UGGT2: variants seen among roughly 807,000 people sequenced by gnomAD.
UGGT2 encodes the protein UDP-glucose:glycoprotein glucosyltransferase 2.
In UGGT2, 180 loss-of-function variants were observed where a neutral mutation model predicts 192.1. The observed-to-expected ratio is 0.94, with a 90% CI of 0.83 to 1.06. UGGT2 has a LOEUF of 1.06. Among genes scored for constraint, UGGT2 ranks in the 50% least tolerant of loss-of-function variants. The pLI, the probability that UGGT2 is intolerant of heterozygous loss-of-function variation, is 0.00. For missense variants in UGGT2, 1,849 were observed against 1,795.7 expected (o/e 1.03, Z -0.54); for synonymous variants, 580 against 591.0 (o/e 0.98, Z 0.27).
At chr13:95,819,606 C>A (rs369138353) in intron 38 of UGGT2, among the ~76,000 whole-genome samples, 1 of 151,994 alleles carries the variant, frequency 6.6e-6, no homozygotes, top group Non-Finnish European at 1.5e-5. Context: ...ATGAAACATT[C>A]ATAAAAACTG....
chr13:95,984,096 G>T (rs1320975862), intron 9 of UGGT2, among the ~76,000 whole-genome samples: 1 of 152,142 alleles, frequency 6.6e-6, no homozygotes, highest in Non-Finnish European at 1.5e-5. Flanking sequence ...ATGCAGTATG[G>T]ATTGTCATCA....
intron 22 of UGGT2, among the ~76,000 whole-genome samples, chr13:95,900,318 G>A (rs1196775409): frequency 6.6e-6 from 1 of 152,090 alleles, no homozygotes; most frequent in Non-Finnish European, 1.5e-5. Flanking sequence ...GAGAGTAAGA[G>A]ATTTTCTTCC....
intron 38 of UGGT2, among the ~76,000 whole-genome samples, chr13:95,816,801 G>A (rs1377504975): frequency 6.6e-6 from 1 of 152,152 alleles, no homozygotes; most frequent in Non-Finnish European, 1.5e-5. Flanking sequence ...TGATTGTGAT[G>A]GTGGTTACAT....
At chr13:96,019,135 G>T (rs920016396) in intron 4 of UGGT2, among the ~76,000 whole-genome samples, 4 of 114,488 alleles carry the variant, frequency 3.5e-5, no homozygotes, top group African/African-American at 1.4e-4. Context: ...GGGGGGGGGG[G>T]GGGAATGTTT....
intron 22 of UGGT2, among the ~76,000 whole-genome samples, chr13:95,900,122 T>C (rs900538225): frequency 6.6e-6 from 1 of 152,132 alleles, no homozygotes; most frequent in Non-Finnish European, 1.5e-5. Flanking sequence ...TCCACTTATT[T>C]TGTATGTGTC....
At chr13:96,007,725 A>G (rs1266854422) in intron 5 of UGGT2, among the ~76,000 whole-genome samples, 1 of 152,194 alleles carries the variant, frequency 6.6e-6, no homozygotes, top group Non-Finnish European at 1.5e-5. Flanking sequence ...TAATTTAACC[A>G]AAAAAGTGAA....
At chr13:95,866,834 T>C (rs1890705422) in intron 30 of UGGT2, among the ~76,000 whole-genome samples, 1 of 152,138 alleles carries the variant, frequency 6.6e-6, no homozygotes. Flanking sequence ...TTCCCTTTAA[T>C]TTTGGTTTTG....
intron 24 of UGGT2, among the ~76,000 whole-genome samples, chr13:95,892,914 A>G (rs2140243667): frequency 6.6e-6 from 1 of 152,266 alleles, no homozygotes; most frequent in Non-Finnish European, 1.5e-5. Context: ...AGTTTCTCAC[A>G]CAACTTACAT....
intron 33 of UGGT2, among the ~76,000 whole-genome samples, chr13:95,858,105 C>T (rs551039075): frequency 6.6e-6 from 1 of 151,028 alleles, no homozygotes; most frequent in South Asian, 2.1e-4. Flanking sequence ...GGTCTGAATG[C>T]CTGGGTTCAA....
At chr13:95,927,378 A>G in intron 17 of UGGT2, 42 bp from the exon 18 acceptor site, 2 of 1,517,004 alleles carry the variant, frequency 1.3e-6, no homozygotes, top group South Asian at 2.6e-5. Flanking sequence ...CAGGCAATTT[A>G]TATCCATGTT....
At chr13:95,871,150 T>A (rs1891184385) in intron 29 of UGGT2, among the ~76,000 whole-genome samples, 1 of 152,166 alleles carries the variant, frequency 6.6e-6, no homozygotes, top group Non-Finnish European at 1.5e-5. Flanking sequence ...AAATTTATAT[T>A]TAACTAATGG....
chr13:95,999,343 G>T, intron 5 of UGGT2, 36 bp from the exon 6 acceptor site: 1 of 1,582,504 alleles, frequency 6.3e-7, no homozygotes, highest in Non-Finnish European at 8.7e-7. Flanking sequence ...AAAGCGAAAA[G>T]AGTTAGTCAA....
intron 36 of UGGT2, among the ~76,000 whole-genome samples, chr13:95,851,242 T>C (rs1888997877): frequency 6.6e-6 from 1 of 152,178 alleles, no homozygotes; most frequent in Non-Finnish European, 1.5e-5. Context: ...AGAACTTGAG[T>C]TCTTGACTTT....
intron 12 of UGGT2, among the ~76,000 whole-genome samples, chr13:95,958,763 A>G (rs1469811476): frequency 6.6e-6 from 1 of 152,188 alleles, no homozygotes; most frequent in African/African-American, 2.4e-5. Context: ...GGAGTACCCG[A>G]AAGCAAGAAA....
intron 20 of UGGT2, among the ~76,000 whole-genome samples, chr13:95,904,221 G>A (rs9590341): frequency 6.6e-6 from 1 of 151,928 alleles, no homozygotes; most frequent in Admixed American, 6.6e-5. Flanking sequence ...TATTATACCT[G>A]ATGGCTACTG....
intron 8 of UGGT2, 22 bp downstream of exon 8, chr13:95,989,951 A>G (rs536110138): frequency 1.3e-5 from 20 of 1,525,156 alleles, no homozygotes; most frequent in Non-Finnish European, 1.8e-5. Flanking sequence ...ATGCTGTGTT[A>G]AAGTATCTCA....
intron 14 of UGGT2, among the ~76,000 whole-genome samples, chr13:95,947,684 C>T (rs1328311458): frequency 4.2e-5 from 4 of 96,050 alleles, no homozygotes; most frequent in Admixed American, 1.1e-4. Context: ...CCCCTGACCT[C>T]GTGATCTGCC....
At chr13:95,908,708 C>A (rs1473009482) in intron 20 of UGGT2, among the ~76,000 whole-genome samples, 7 of 144,548 alleles carry the variant, frequency 4.8e-5, no homozygotes, top group Non-Finnish European at 9.0e-5. Context: ...TGATGATGAG[C>A]ATTTTTTCAT....
intron 10 of UGGT2, among the ~76,000 whole-genome samples, chr13:95,975,963 G>A (rs931903973): frequency 2.0e-5 from 3 of 152,022 alleles, no homozygotes; most frequent in African/African-American, 7.2e-5. Context: ...TCTTAATGTA[G>A]GGGACATTCC....
Sources: allele counts gnomAD v4.1 joint callset (sites outside exome capture counted in the v4.1 genomes callset), GRCh38; gene constraint gnomAD v4.1.1; transcripts MANE v1.5; gene names NCBI Gene and HGNC (gene_info 2026-07-23, HGNC 2026-07-21).